TULP4: variants seen among roughly 807,000 people sequenced by gnomAD.
TULP4 encodes the protein tubby-related protein 4.
In TULP4, 16 loss-of-function variants were observed where a neutral mutation model predicts 129.0. The observed-to-expected ratio is 0.12, with a 90% confidence interval of 0.08 to 0.19. TULP4 has a LOEUF of 0.19. Among genes scored for constraint, TULP4 ranks in the 10% least tolerant of loss-of-function variants. The pLI, the probability that TULP4 is intolerant of heterozygous loss-of-function variation, is 1.00. For missense variants in TULP4, 1,842 were observed against 2,059.1 expected, an observed-to-expected ratio of 0.89 and a Z score of 2.04; for synonymous variants, 998 against 854.0, an observed-to-expected ratio of 1.17 and a Z score of -2.94.
intron 1 of TULP4, among the ~76,000 whole-genome samples, chr6:158,283,632 C>G (rs1201281433): frequency 6.6e-6 from 1 of 152,200 alleles, no homozygotes; most frequent in Non-Finnish European, 1.5e-5. Context: ...AAACTGTCCT[C>G]TTTATTGGTG....
intron 1 of TULP4, among the ~76,000 whole-genome samples, chr6:158,343,204 G>A (rs1424541412): frequency 1.3e-5 from 2 of 152,066 alleles, no homozygotes; most frequent in Non-Finnish European, 2.9e-5. Context: ...CCACAGGGGA[G>A]GTTTGCTGTA....
intron 1 of TULP4, among the ~76,000 whole-genome samples, chr6:158,391,325 G>A (rs1178533023): frequency 2.0e-5 from 3 of 152,118 alleles, no homozygotes; most frequent in Non-Finnish European, 1.5e-5. Context: ...ATTGTATATA[G>A]CAAAGTCATT....
At chr6:158,346,677 A>G (rs576165671) in intron 1 of TULP4, among the ~76,000 whole-genome samples, 2 of 152,318 alleles carry the variant, frequency 1.3e-5, no homozygotes, top group African/African-American at 2.4e-5. Flanking sequence ...TTTGGGTTCT[A>G]AAGATTCATT....
chr6:158,443,801 A>T (rs923525790), intron 3 of TULP4, among the ~76,000 whole-genome samples: 6 of 152,122 alleles, frequency 3.9e-5, no homozygotes, highest in African/African-American at 9.7e-5. Flanking sequence ...CTGTTAATCA[A>T]TTGAGCAGTT....
At chr6:158,361,484 A>G (rs528179266) in intron 1 of TULP4, among the ~76,000 whole-genome samples, 14 of 152,310 alleles carry the variant, frequency 9.2e-5, no homozygotes, top group African/African-American at 2.9e-4. Context: ...CGTTTAACCA[A>G]TGTGCCAGAT....
At chr6:158,312,029 A>G (rs950381493), upstream of TULP4, 18 of 312,090 alleles carry the variant, frequency 5.8e-5, no homozygotes, top group Admixed American at 1.7e-4. Context: ...TAAATTTTAT[A>G]TCTTTTTTTT....
At chr6:158,432,341 G>A (rs1243910843) in intron 3 of TULP4, among the ~76,000 whole-genome samples, 1 of 152,070 alleles carries the variant, frequency 6.6e-6, no homozygotes, top group Admixed American at 6.6e-5. Flanking sequence ...TGTCTGTAAT[G>A]TCAGGAGTTG....
chr6:158,501,293 TG>T (rs2128262725), intron 12 of TULP4, among the ~76,000 whole-genome samples: 1 of 152,352 alleles, frequency 6.6e-6, no homozygotes, highest in East Asian at 1.9e-4. Context: ...AAGTCCTCAA[TG>T]GAGGTTTTTC....
At chr6:158,467,277 CTT>C (rs59276592) in intron 6 of TULP4, among the ~76,000 whole-genome samples, 6 of 140,872 alleles carry the variant, frequency 4.3e-5, no homozygotes, top group Admixed American at 7.2e-5. Flanking sequence ...CTTTCCCTTT[CTT>C]TTTTTTTTTT....
chr6:158,353,903 G>T (rs1431097684), intron 1 of TULP4, among the ~76,000 whole-genome samples: 6 of 152,232 alleles, frequency 3.9e-5, no homozygotes, highest in Non-Finnish European at 5.9e-5. Flanking sequence ...CCCTAAAGGG[G>T]TTTTATTTTA....
intron 2 of TULP4, among the ~76,000 whole-genome samples, chr6:158,424,319 G>T (rs560330738): frequency 3.9e-5 from 6 of 151,980 alleles, no homozygotes; most frequent in African/African-American, 1.4e-4. Flanking sequence ...GCTTGATATC[G>T]GCTCACTGCA....
At chr6:158,351,575 C>T (rs138090189) in intron 1 of TULP4, among the ~76,000 whole-genome samples, 154 of 152,208 alleles carry the variant, frequency 1.0e-3, no homozygotes, top group African/African-American at 3.5e-3. Flanking sequence ...AGTGGATTTG[C>T]TCCCTTTTAT....
At chr6:158,277,666 G>GC (rs1465844597), upstream of TULP4, among the ~76,000 whole-genome samples, 1 of 152,104 alleles carries the variant, frequency 6.6e-6, no homozygotes, top group East Asian at 1.9e-4. Flanking sequence ...TGTCACACTA[G>GC]GCTTGGTTAC....
chr6:158,366,706 C>A (rs1248230671), intron 1 of TULP4, among the ~76,000 whole-genome samples: 1 of 152,208 alleles, frequency 6.6e-6, no homozygotes, highest in Non-Finnish European at 1.5e-5. Context: ...TGCCTGCCTT[C>A]CTTGCTTCCT....
chr6:158,496,240 C>G (rs1212322856), intron 11 of TULP4, among the ~76,000 whole-genome samples: 1 of 152,216 alleles, frequency 6.6e-6, no homozygotes, highest in African/African-American at 2.4e-5. Flanking sequence ...CCGTGGCCCT[C>G]CATTTTGAGC....
chr6:158,371,839 A>T lies in TULP4; in HGVS notation c.253-41226A>T, dbSNP rs1011922330. ...AGTTTATGTTTGTATGTTTGAGACA[A>T]GGTCTCTTTCTGTCAGCCAGACTGG... On this transcript the variant is annotated intron_variant, in intron 1 of 13. Coordinates refer to ENST00000367097, the MANE Select transcript of TULP4 (RefSeq NM_020245.5). Among the ~76,000 whole-genome samples, 3 of 152,166 alleles carry T rather than the reference A, an allele frequency of 2.0e-5. No homozygotes were observed. The East Asian group carries it at 5.8e-4, about 29-fold the overall frequency.
Position 158,502,800 on chromosome 6 carries a change from G to C in TULP4, c.3137G>C (p.Ser1046Thr), listed in dbSNP as rs745666797. The change falls in exon 13 of 14, where the codon AGC becomes ACC. Residue 1046 changes from serine (S) to threonine (T), a missense_variant. Ser to Thr is a moderately conservative substitution (Grantham distance 58). Coordinates refer to ENST00000367097, the MANE Select transcript of TULP4 (RefSeq NM_020245.5). ...TCSQCSGTGP[S>T]SQPGASLAHT... ...AGTCAGTGCAGTGGCACAGGGCCCA[G>C]CTCACAGCCCGGAGCCTCCCTGGCC... 2.5e-6 allele frequency: 4 copies of C among 1,610,928 alleles called. No individual in the cohort carries two copies. The South Asian group carries it at 4.4e-5, about 18-fold the overall frequency.
In TULP4 at chr6:158,424,784, T is replaced by C. The variant is rs370731047; in HGVS notation, c.382-4952T>C. On this transcript the variant is annotated intron_variant, in intron 2 of 13. Coordinates refer to ENST00000367097, the MANE Select transcript of TULP4 (RefSeq NM_020245.5). ...ATATGGAAAGAGATTTGAACAGATA[T>C]ACCCCAAAAGATGTGTAGATGATCA... Among the ~76,000 whole-genome samples, 147 of 152,206 alleles carry C rather than the reference T, an allele frequency of 9.7e-4. 2 individuals are homozygous for C. Among genetic ancestry groups the C allele is most frequent in the African/African-American group, 3.2e-3 (134 of 41,526 alleles).
chr6:158,296,990 G>C (rs1377016016), intron 1 of TULP4, among the ~76,000 whole-genome samples: 35 of 152,144 alleles, frequency 2.3e-4, no homozygotes, highest in Admixed American at 2.2e-3. Flanking sequence ...AACAGGGTTC[G>C]AGAGCAGAGA....
Sources: allele counts gnomAD v4.1 joint callset (sites outside exome capture counted in the v4.1 genomes callset), GRCh38; gene constraint gnomAD v4.1.1; transcripts MANE v1.5; gene names NCBI Gene and HGNC (gene_info 2026-07-23, HGNC 2026-07-21).